The following EZH2 variants were observed in gnomAD, a reference collection of about 807,000 sequenced individuals.
EZH2 encodes enhancer of zeste 2 polycomb repressive complex 2 subunit.
A neutral mutation model predicts 98.4 loss-of-function variants in EZH2; 18 were observed. That is an observed-to-expected ratio of 0.18 (90% CI 0.13 to 0.27). The LOEUF is 0.27. Among genes scored for constraint, EZH2 ranks in the 10% least tolerant of loss-of-function variants. The probability of loss-of-function intolerance (pLI) is 1.00; values close to 1 mark genes in which losing one functional copy is unlikely to be tolerated. For missense variants in EZH2, 470 were observed against 935.1 expected (o/e 0.50, Z 6.49); for synonymous variants, 338 against 312.3 (o/e 1.08, Z -0.87).
chr7:148,840,393 G>A (rs572128571), intron 3 of EZH2, among the ~76,000 whole-genome samples: 1 of 151,680 alleles, frequency 6.6e-6, no homozygotes. Flanking sequence ...GCCCAAAATG[G>A]AAAGGATGTA....
At chr7:148,819,730 T>C in intron 8 of EZH2, 43 bp from the exon 9 acceptor site, 1 of 1,544,838 alleles carries the variant, frequency 6.5e-7, no homozygotes, top group Non-Finnish European at 8.9e-7. Flanking sequence ...AACTATAAAA[T>C]ACTTACTTTT....
chr7:148,849,099 A>G (rs1814994836), intron 1 of EZH2, among the ~76,000 whole-genome samples: 1 of 152,204 alleles, frequency 6.6e-6, no homozygotes, highest in South Asian at 2.1e-4. Context: ...GTACAGATGC[A>G]ACCATCTTTT....
chr7:148,813,891 C>CA, intron 15 of EZH2, 68 bp downstream of exon 15: 1 of 1,498,050 alleles, frequency 6.7e-7, no homozygotes, highest in Non-Finnish European at 9.1e-7. Context: ...TCATCTAAGG[C>CA]AATCCTGACA....
At chr7:148,855,715 T>G (rs1026297072) in intron 1 of EZH2, among the ~76,000 whole-genome samples, 3 of 151,788 alleles carry the variant, frequency 2.0e-5, no homozygotes, top group Non-Finnish European at 4.4e-5. Flanking sequence ...CTGCCCAACA[T>G]GGTGAAACCC....
chr7:148,839,510 C>G (rs1811861712), intron 3 of EZH2, among the ~76,000 whole-genome samples: 1 of 142,932 alleles, frequency 7.0e-6, no homozygotes, highest in African/African-American at 2.6e-5. Flanking sequence ...CAAGATATAT[C>G]AGAAATAACA....
intron 19 of EZH2, among the ~76,000 whole-genome samples, chr7:148,808,232 A>G (rs961113791): frequency 6.6e-6 from 1 of 152,136 alleles, no homozygotes; most frequent in Non-Finnish European, 1.5e-5. Flanking sequence ...AGGAAGCTCC[A>G]CCCCACACTC....
At chr7:148,868,801 T>A (rs900273747) in intron 1 of EZH2, among the ~76,000 whole-genome samples, 2 of 152,316 alleles carry the variant, frequency 1.3e-5, no homozygotes, top group African/African-American at 4.8e-5. Flanking sequence ...TTTATTTGAA[T>A]AGCCCTAATG....
chr7:148,873,215 G>A (rs1819666574), intron 1 of EZH2, among the ~76,000 whole-genome samples: 1 of 151,858 alleles, frequency 6.6e-6, no homozygotes, highest in African/African-American at 2.4e-5. Context: ...AAAGAGGCCG[G>A]GCATGGTGGC....
At chr7:148,823,831 A>G (rs1460042401) in intron 8 of EZH2, among the ~76,000 whole-genome samples, 1 of 152,018 alleles carries the variant, frequency 6.6e-6, no homozygotes, top group African/African-American at 2.4e-5. Context: ...TCATATTAAT[A>G]CTTTTTGGAA....
At chr7:148,810,148 AGTCT>A in intron 17 of EZH2, 181 bp downstream of exon 17, 1 of 479,204 alleles carries the variant, frequency 2.1e-6, no homozygotes, top group Non-Finnish European at 3.8e-6. Context: ...CTGCACATCT[AGTCT>A]ATCTGCTCCC....
chr7:148,877,193 G>T (rs1459691109), intron 1 of EZH2, among the ~76,000 whole-genome samples: 1 of 151,936 alleles, frequency 6.6e-6, no homozygotes, highest in Non-Finnish European at 1.5e-5. Context: ...GAAAATTTGG[G>T]GAAGAATATA....
chr7:148,835,573 T>C (rs1810686065), intron 3 of EZH2, among the ~76,000 whole-genome samples: 2 of 152,104 alleles, frequency 1.3e-5, no homozygotes. Context: ...CCGAATATAC[T>C]GAATATAATT....
chr7:148,858,359 C>G (rs953007033), intron 1 of EZH2, among the ~76,000 whole-genome samples: 6 of 151,898 alleles, frequency 4.0e-5, no homozygotes, highest in Non-Finnish European at 7.4e-5. Flanking sequence ...TATTTTGAGG[C>G]AGGGCTCACT....
chr7:148,810,155 C>CTGCT (rs1156597021), intron 17 of EZH2, 178 bp downstream of exon 17: 3 of 491,592 alleles, frequency 6.1e-6, no homozygotes, highest in African/African-American at 1.9e-5. Context: ...TCTAGTCTAT[C>CTGCT]TGCTCCCTGA....
intron 1 of EZH2, among the ~76,000 whole-genome samples, chr7:148,879,982 A>G (rs1820739857): frequency 6.6e-6 from 1 of 152,106 alleles, no homozygotes; most frequent in Non-Finnish European, 1.5e-5. Flanking sequence ...AATGGTGTGC[A>G]CTGGTAATAC....
At chr7:148,883,789 A>G (rs1821384751) in intron 1 of EZH2, among the ~76,000 whole-genome samples, 1 of 151,708 alleles carries the variant, frequency 6.6e-6, no homozygotes, top group Non-Finnish European at 1.5e-5. Flanking sequence ...CGCCACACAA[A>G]GGAGACTTGA....
intron 1 of EZH2, among the ~76,000 whole-genome samples, chr7:148,857,508 T>G (rs1478602211): frequency 6.6e-6 from 1 of 152,166 alleles, no homozygotes; most frequent in African/African-American, 2.4e-5. Flanking sequence ...TCCCAGCACT[T>G]TGGGAGGCTG....
At chr7:148,859,505 A>AAACAACAACAACAAC (rs71529644) in intron 1 of EZH2, among the ~76,000 whole-genome samples, 69 of 150,288 alleles carry the variant, frequency 4.6e-4, no homozygotes, top group South Asian at 1.3e-3. Context: ...TCTGTCTCAA[A>AAACAACAACAACAAC]AACAACAACA....
intron 1 of EZH2, among the ~76,000 whole-genome samples, chr7:148,864,901 C>T (rs553356635): frequency 7.9e-5 from 12 of 151,908 alleles, no homozygotes; most frequent in South Asian, 2.1e-4. Context: ...CCAAGGCGGG[C>T]GAATCACCTG....
Sources: gnomAD v4.1 joint callset for allele counts (sites outside exome capture counted in the v4.1 genomes callset) on GRCh38, gnomAD v4.1.1 for gene constraint, MANE v1.5 for transcripts, NCBI Gene and HGNC (gene_info 2026-07-23, HGNC 2026-07-21) for gene names.